The following MYCBP2 variants were observed in gnomAD, a reference collection of about 807,000 sequenced individuals.
The protein encoded by MYCBP2 is MYC binding protein 2.
Under a neutral mutation model 525.3 loss-of-function variants are expected in MYCBP2, and 120 were observed. The observed-to-expected ratio is 0.23, with a 90% CI of 0.20 to 0.27. The LOEUF is 0.27. Among genes scored for constraint, MYCBP2 ranks in the 10% least tolerant of loss-of-function variants. The pLI is 1.00. For missense variants in MYCBP2, 4,149 were observed against 5,657.1 expected, an observed-to-expected ratio of 0.73 and a Z score of 8.55; for synonymous variants, 1,894 against 1,955.8, an observed-to-expected ratio of 0.97 and a Z score of 0.83.
chr13:77,109,547 AC>A (rs2048427763), intron 55 of MYCBP2: 1 of 152,270 alleles, frequency 6.6e-6, no homozygotes, highest in Non-Finnish European at 1.5e-5. Context: ...ATTGTTAATT[AC>A]CGGCCTGGCA....
intron 36 of MYCBP2, 78 bp downstream of exon 36, chr13:77,176,419 A>G: frequency 1.5e-6 from 2 of 1,317,630 alleles, no homozygotes; most frequent in Non-Finnish European, 2.0e-6. Context: ...AACAAACAAA[A>G]TTCATGGAAT....
intron 55 of MYCBP2, chr13:77,103,450 T>C (rs1169043366): frequency 2.6e-6 from 1 of 389,842 alleles, no homozygotes; most frequent in African/African-American, 2.1e-5. Flanking sequence ...TTCTGCTATA[T>C]TTTTGAACAA....
At chr13:77,274,135 T>C (rs2075231396) in intron 4 of MYCBP2, among the ~76,000 whole-genome samples, 1 of 152,186 alleles carries the variant, frequency 6.6e-6, no homozygotes, top group African/African-American at 2.4e-5. Context: ...TAATAGCAAT[T>C]CACACTTAGG....
At chr13:77,144,782 A>G (rs2055253536) in intron 48 of MYCBP2, among the ~76,000 whole-genome samples, 1 of 151,818 alleles carries the variant, frequency 6.6e-6, no homozygotes. Flanking sequence ...TCATGACCTC[A>G]CCTCTTTCTT....
At chr13:77,174,124 T>G (rs926818644) in intron 37 of MYCBP2, among the ~76,000 whole-genome samples, 187 bp downstream of exon 37, 1 of 152,238 alleles carries the variant, frequency 6.6e-6, no homozygotes, top group African/African-American at 2.4e-5. Flanking sequence ...AAGCATTAAC[T>G]TTTGTAGCAA....
intron 52 of MYCBP2, among the ~76,000 whole-genome samples, chr13:77,130,295 A>G (rs2052522303): frequency 6.6e-6 from 1 of 150,898 alleles, no homozygotes; most frequent in South Asian, 2.1e-4. Flanking sequence ...GTCATTTTAG[A>G]TAATGAAACT....
In MYCBP2 at chr13:77,144,619, T is replaced by C. The variant is rs148460530; in HGVS notation, c.7188-59A>G. ...ACTTTTGGTTAAGCAGTCAACATCA[T>C]TACGATAGTTCAGCAAACATTTAAT... On this transcript the variant is annotated intron_variant, in intron 48 of 82. Coordinates refer to ENST00000544440, the MANE Select transcript of MYCBP2 (RefSeq NM_015057.5). The C allele has an allele frequency of 2.9e-5, 31 of 1,078,032 alleles. No homozygotes were observed. In the African/African-American group the frequency reaches 4.0e-4, roughly 14 times the overall value. 66.8% of individuals were successfully genotyped at this position (1,078,032 alleles called of 1,614,324 possible). A position where few individuals can be genotyped will look rare whatever the true frequency, so the allele number is the denominator to read the frequency against.
chr13:77,244,535 A>G (rs2154318313), intron 15 of MYCBP2, among the ~76,000 whole-genome samples: 1 of 152,354 alleles, frequency 6.6e-6, no homozygotes, highest in East Asian at 1.9e-4. Flanking sequence ...TAAAGATTTA[A>G]ACATAAGACC....
chr13:77,088,730 A>G (rs2044820670), intron 61 of MYCBP2, 102 bp downstream of exon 61: 1 of 1,037,302 alleles, frequency 9.6e-7, no homozygotes, highest in Non-Finnish European at 1.4e-6. Context: ...ATGCCTTTTA[A>G]TTTCACACAA....
At chr13:77,182,425 C>T (rs12877357) in intron 32 of MYCBP2, among the ~76,000 whole-genome samples, 147,762 of 152,320 alleles carry the variant, frequency 0.97, 71,742 homozygotes, top group East Asian at 1. Context: ...TACAAAATTT[C>T]ATAAAAAAGC....
Position 77,082,166 on chromosome 13 carries a change from A to G in MYCBP2, c.11037-173T>C, listed in dbSNP as rs1401136414. The G allele has an allele frequency of 9.6e-5, 56 of 581,340 alleles. 1 individual carries two copies. The South Asian group carries it at 1.6e-3, about 17-fold the overall frequency. 36.0% of individuals were successfully genotyped at this position (581,340 alleles called of 1,614,324 possible). On this transcript the variant is annotated intron_variant, in intron 63 of 82. Coordinates refer to ENST00000544440, the MANE Select transcript of MYCBP2 (RefSeq NM_015057.5). ...TTCCTATTGTTTTTGTTTTTGAGAA[A>G]TAAAGGTAACTTCTTTGGAACAAGG...
In MYCBP2 at chr13:77,168,574, G is replaced by A. The variant is rs1197383922; in HGVS notation, c.5968C>T (p.Pro1990Ser). The A allele has an allele frequency of 1.9e-6, 3 of 1,614,186 alleles. No homozygotes were observed. Among genetic ancestry groups the A allele is most frequent in the East Asian group, 2.2e-5 (1 of 44,874 alleles). ...GACTGATTAGGGTTGAAGGCAGGCG[G>A]TGCATACTTCTGATTCAAAATGGCA... Reference protein sequence around the residue: ...SVAILNQKYAPPAFNPNQSTD... With the variant: ...SVAILNQKYASPAFNPNQSTD... Residue 1990 changes from proline (P) to serine (S), a missense_variant, in exon 40 of 83, where the codon CCG becomes TCG. This residue lies in a region of MYCBP2 where 692 missense variants were observed against 852.7 expected (regional missense o/e 0.81). Coordinates refer to ENST00000544440, the MANE Select transcript of MYCBP2 (RefSeq NM_015057.5).
intron 26 of MYCBP2, among the ~76,000 whole-genome samples, chr13:77,205,045 T>G (rs1414925843): frequency 2.0e-5 from 3 of 151,864 alleles, no homozygotes; most frequent in Admixed American, 2.0e-4. Flanking sequence ...ACTTAAAGTA[T>G]AATAATAATA....
At chr13:77,192,489 G>A (rs1339290682) in intron 27 of MYCBP2, among the ~76,000 whole-genome samples, 14 of 152,190 alleles carry the variant, frequency 9.2e-5, no homozygotes, top group Non-Finnish European at 2.1e-4. Flanking sequence ...AAAGTACTAG[G>A]TAACAGAGTG....
intron 46 of MYCBP2, among the ~76,000 whole-genome samples, chr13:77,152,290 T>C (rs2056582454): frequency 6.6e-6 from 1 of 152,190 alleles, no homozygotes; most frequent in Non-Finnish European, 1.5e-5. Context: ...CCCATTCTTA[T>C]ATTTAAAAAA....
At chr13:77,155,812 T>C (rs2057144710) in intron 46 of MYCBP2, among the ~76,000 whole-genome samples, 2 of 152,196 alleles carry the variant, frequency 1.3e-5, no homozygotes, top group Admixed American at 1.3e-4. Context: ...GATACTTTCT[T>C]ATCCCTCCTT....
At chr13:77,075,132 C>G (rs1362557714) in intron 68 of MYCBP2, among the ~76,000 whole-genome samples, 1 of 152,074 alleles carries the variant, frequency 6.6e-6, no homozygotes, top group Non-Finnish European at 1.5e-5. Flanking sequence ...CCATTGAGCC[C>G]GGGAGGTTGA....
At chr13:77,089,200 T>C (rs150357286) in intron 60 of MYCBP2, among the ~76,000 whole-genome samples, 169 bp from the exon 61 acceptor site, 178 of 152,268 alleles carry the variant, frequency 1.2e-3, no homozygotes, top group Admixed American at 3.1e-3. Flanking sequence ...AAAGATTAAA[T>C]ATGTTACTCT....
intron 32 of MYCBP2, among the ~76,000 whole-genome samples, chr13:77,182,581 T>C (rs1450446999): frequency 1.3e-5 from 2 of 152,172 alleles, no homozygotes; most frequent in Non-Finnish European, 2.9e-5. Context: ...GCCTGTTCTG[T>C]AGCAAAGAAG....
Sources: gnomAD v4.1 joint callset for allele counts (sites outside exome capture counted in the v4.1 genomes callset) on GRCh38, gnomAD v4.1.1 for gene constraint, gnomAD v4.1.1 regional missense constraint, MANE v1.5 for transcripts, NCBI Gene and HGNC (gene_info 2026-07-23, HGNC 2026-07-21) for gene names.